SMARCAD1: variants seen among roughly 807,000 people sequenced by gnomAD.
The protein encoded by SMARCAD1 is SWI/SNF-related matrix-associated actin-dependent regulator of chromatin subfamily A containing DEAD/H box 1.
A neutral mutation model predicts 127.1 loss-of-function variants in SMARCAD1; 25 were observed. The observed-to-expected ratio is 0.20, with a 90% CI of 0.14 to 0.27. The LOEUF (loss-of-function observed/expected upper bound fraction) is 0.27, where lower values mean the gene tolerates loss of function less well. Ranked by LOEUF, SMARCAD1 falls within the 10% of genes least tolerant of loss-of-function variation. The pLI is 1.00. For synonymous variants in SMARCAD1, 400 were observed against 396.9 expected (o/e 1.01, Z -0.09); for missense variants, 807 against 1,206.0 (o/e 0.67, Z 4.90).
rs1159550698 is a variant in SMARCAD1 at position 94,249,713 on chromosome 4, T to G, written c.765T>G (p.Ile255Met). 1 of 1,610,426 alleles carries G rather than the reference T, an allele frequency of 6.2e-7. No individual in the cohort carries two copies. Among genetic ancestry groups the G allele is most frequent in the Non-Finnish European group, 8.5e-7 (1 of 1,177,084 alleles). The change falls in exon 7 of 24, where the codon ATT becomes ATG. Residue 255 changes from isoleucine to methionine, a missense_variant. Transcript: ENST00000354268. ...SSSNWEKQES[I>M]VLKLQKEFPN... is the part of the protein sequence containing the mutation. The stretch of plus-strand genomic sequence containing the variant: ...GTAATTGGGAAAAGCAGGAAAGTAT[T>G]GTACTGAAATTGCAAAAGGAATTTC...
chr4:94,215,649 A>G (rs1345506774), intron 2 of SMARCAD1, among the ~76,000 whole-genome samples: 3 of 150,104 alleles, frequency 2.0e-5, no homozygotes, highest in African/African-American at 7.4e-5. Context: ...GAGGAGGGGG[A>G]TAGAAATATT....
Position 94,253,670 on chromosome 4 carries a change from T to G in SMARCAD1, c.1281+663T>G. On this transcript the variant is annotated intron_variant, in intron 9 of 23. Coordinates refer to ENST00000354268, the MANE Select transcript of SMARCAD1 (RefSeq NM_020159.5). ...TTAGGTGAAGGGAAGGCATAAGCACTGGTAAGTACACTTTGCATGATCATT... is the reference window on the plus strand; with the variant it reads ...TTAGGTGAAGGGAAGGCATAAGCACGGGTAAGTACACTTTGCATGATCATT... The G allele has an allele frequency of 7.9e-6, 8 of 1,011,918 alleles. No homozygotes were observed. The South Asian group carries it at 2.8e-4, about 35-fold the overall frequency. 62.7% of individuals were successfully genotyped at this position (1,011,918 alleles called of 1,614,324 possible).
At chr4:94,228,920 A>C (rs981948900) in intron 3 of SMARCAD1, among the ~76,000 whole-genome samples, 1 of 152,084 alleles carries the variant, frequency 6.6e-6, no homozygotes, top group East Asian at 1.9e-4. Context: ...GAATTTTTCT[A>C]AATTTGGGTT....
intron 9 of SMARCAD1, among the ~76,000 whole-genome samples, chr4:94,256,569 G>A (rs1750112260): frequency 1.3e-5 from 2 of 152,094 alleles, no homozygotes; most frequent in Non-Finnish European, 2.9e-5. Context: ...CACCATGTTG[G>A]CCAGGCTGGG....
rs1373042201 is a variant in SMARCAD1, at chr4:94,279,030, A to G, written c.2398A>G (p.Met800Val). Residue 800 changes from methionine to valine, a missense_variant, in exon 19 of 24, where the codon ATG (methionine) becomes GTG (valine). Met to Val is a conservative substitution (Grantham distance 21). This residue lies in a region of SMARCAD1 where 99 missense variants were observed against 126.0 expected (regional missense o/e 0.79). Transcript: ENST00000354268. Reference sequence around the variant, plus strand: ...TTACACAGCTGAAAAACTCAAGGAAATGTCTCAGCTTATGCTAAAGGTAAG... The same window carrying G: ...TTACACAGCTGAAAAACTCAAGGAAGTGTCTCAGCTTATGCTAAAGGTAAG... ...QYYTAEKLKE[M>V]SQLMLKEPTH... 6 of 1,614,022 alleles carry G rather than the reference A, an allele frequency of 3.7e-6. No individual in the cohort carries two copies. In the Admixed American group the frequency reaches 8.3e-5, roughly 22 times the overall value.
chr4:94,237,118 T>C, intron 5 of SMARCAD1, 100 bp downstream of exon 5: 1 of 1,000,204 alleles, frequency 1.0e-6, no homozygotes, highest in East Asian at 2.4e-5. Flanking sequence ...AACACCTTTA[T>C]GAATTCTTAC....
At chr4:94,254,858 CT>C (rs766745727) in intron 9 of SMARCAD1, among the ~76,000 whole-genome samples, 28 of 152,014 alleles carry the variant, frequency 1.8e-4, no homozygotes, top group Non-Finnish European at 3.8e-4. Context: ...CTTTGAGCTC[CT>C]ACTTTAAAAA....
chr4:94,208,371 T>A lies in SMARCAD1; in HGVS notation c.-24T>A, dbSNP rs1276371120. ...ATAGTTCATTTAAAGCCCCCATCCC[T>A]GCAAGGTGGTGCTTTCTACCAATAT... On this transcript the variant is annotated 5_prime_UTR_variant, in exon 2 of 24. Transcript: ENST00000354268. The A allele has an allele frequency of 6.2e-7, 1 of 1,612,434 alleles. No individual in the cohort carries two copies. Among genetic ancestry groups the A allele is most frequent in the East Asian group, 2.2e-5 (1 of 44,878 alleles).
At chr4:94,224,698 G>T (rs1484348287) in intron 2 of SMARCAD1, among the ~76,000 whole-genome samples, 2 of 152,174 alleles carry the variant, frequency 1.3e-5, no homozygotes, top group Admixed American at 6.5e-5. Context: ...TTTAATGGAG[G>T]TGGCTAATAG....
intron 3 of SMARCAD1, among the ~76,000 whole-genome samples, chr4:94,230,687 T>A (rs887104849): frequency 1.3e-5 from 2 of 152,046 alleles, no homozygotes; most frequent in African/African-American, 4.8e-5. Context: ...GCAGCAAAAC[T>A]ACCCCCTACC....
chr4:94,247,890 T>C (rs1016770986), intron 6 of SMARCAD1, among the ~76,000 whole-genome samples: 17 of 152,208 alleles, frequency 1.1e-4, no homozygotes, highest in Admixed American at 1.3e-4. Context: ...GCAAGTTTGT[T>C]ACAAACGTAT....
At chr4:94,236,172 T>C (rs1450666707) in intron 4 of SMARCAD1, among the ~76,000 whole-genome samples, 2 of 152,170 alleles carry the variant, frequency 1.3e-5, no homozygotes, top group South Asian at 2.1e-4. Flanking sequence ...TAGGAAAAAT[T>C]AGTGTGGAAG....
intron 9 of SMARCAD1, among the ~76,000 whole-genome samples, chr4:94,257,486 C>T (rs768755169): frequency 3.3e-5 from 5 of 152,092 alleles, no homozygotes; most frequent in Non-Finnish European, 5.9e-5. Context: ...AGTTAAGTAA[C>T]TTACAGGATT....
chr4:94,237,498 T>TA (rs34166467), intron 5 of SMARCAD1, among the ~76,000 whole-genome samples: 79,283 of 141,504 alleles, frequency 0.56, 21,960 homozygotes, highest in East Asian at 0.72. Context: ...TTACACATAC[T>TA]AAAAAAAAAA....
chr4:94,242,899 C>T (rs551059512), intron 6 of SMARCAD1, among the ~76,000 whole-genome samples: 1 of 152,234 alleles, frequency 6.6e-6, no homozygotes, highest in African/African-American at 2.4e-5. Context: ...CTGGGTGACA[C>T]AGTGAGACCT....
intron 10 of SMARCAD1, among the ~76,000 whole-genome samples, chr4:94,268,918 T>C (rs534656953): frequency 1.7e-4 from 26 of 152,344 alleles, no homozygotes; most frequent in Middle Eastern, 3.4e-3. Flanking sequence ...AAAATGTCTA[T>C]GATAACATGT....
At position 94,280,584 on chromosome 4, in the gene SMARCAD1, G is replaced by C. The variant is rs764734162; in HGVS notation, c.2419-8G>C. 4 of 1,611,540 alleles carry C rather than the reference G, an allele frequency of 2.5e-6. No individual in the cohort carries two copies. The highest frequency in any genetic ancestry group is 1.1e-5 in the South Asian group (1 of 90,998). On this transcript the variant is annotated splice_polypyrimidine_tract_variant and splice_region_variant and intron_variant, in intron 19 of 23. Transcript: ENST00000354268. ...TTTGAAGTATACTGTGTTTTGTTTT[G>C]TTTTAAGGAACCTACACATTGTGAG...
At chr4:94,262,889 T>TAA (rs368026206) in intron 9 of SMARCAD1, among the ~76,000 whole-genome samples, 24 of 87,436 alleles carry the variant, frequency 2.7e-4, no homozygotes, top group East Asian at 1.7e-3. Flanking sequence ...TAATTTCTGT[T>TAA]AAAAAAAAAA....
intron 9 of SMARCAD1, among the ~76,000 whole-genome samples, chr4:94,254,590 T>C (rs1749771763): frequency 6.6e-6 from 1 of 152,122 alleles, no homozygotes; most frequent in African/African-American, 2.4e-5. Context: ...TGACATGAAT[T>C]TGGAGATTAT....
Sources: allele counts gnomAD v4.1 joint callset (sites outside exome capture counted in the v4.1 genomes callset), GRCh38; gene constraint gnomAD v4.1.1; regional missense constraint gnomAD v4.1.1; transcripts MANE v1.5; gene names NCBI Gene and HGNC (gene_info 2026-07-23, HGNC 2026-07-21).